The following WRN variants were observed in gnomAD, a reference collection of about 807,000 sequenced individuals.
WRN encodes the protein bifunctional 3'-5' exonuclease/ATP-dependent helicase WRN.
A neutral mutation model predicts 180.7 loss-of-function variants in WRN; 149 were observed. The ratio of observed to expected loss-of-function variants is 0.82; its 90% CI spans 0.72 to 0.94. The LOEUF (loss-of-function observed/expected upper bound fraction) is 0.94, where lower values mean the gene tolerates loss of function less well. WRN is among the 40% of genes least tolerant of loss of function. The probability of loss-of-function intolerance (pLI) is 0.00; values close to 1 mark genes in which losing one functional copy is unlikely to be tolerated. For missense variants in WRN, 1,661 were observed against 1,700.1 expected (o/e 0.98, Z 0.40); for synonymous variants, 548 against 568.9 (o/e 0.96, Z 0.52).
At chr8:31,051,359 G>A (rs1438771775) in intron 1 of WRN, among the ~76,000 whole-genome samples, 3 of 152,188 alleles carry the variant, frequency 2.0e-5, no homozygotes, top group Non-Finnish European at 2.9e-5. Flanking sequence ...TCTATCAAGA[G>A]TGAAGTAGAG....
chr8:31,085,142 A>T, intron 10 of WRN, 24 bp from the exon 11 acceptor site: 1 of 1,610,450 alleles, frequency 6.2e-7, no homozygotes, highest in Non-Finnish European at 8.5e-7. Context: ...ATTGGAAATT[A>T]ATGCTTAATA....
chr8:31,163,693 A>C (rs1295482077), intron 33 of WRN, among the ~76,000 whole-genome samples: 1 of 152,152 alleles, frequency 6.6e-6, no homozygotes, highest in East Asian at 1.9e-4. Flanking sequence ...ATCAAGCAGA[A>C]TATAATAATG....
intron 1 of WRN, among the ~76,000 whole-genome samples, chr8:31,043,859 C>T (rs185615529): frequency 6.2e-4 from 94 of 152,162 alleles, no homozygotes; most frequent in African/African-American, 2.1e-3. Context: ...TTTTGCTGTT[C>T]GTTCATAAAA....
intron 31 of WRN, among the ~76,000 whole-genome samples, chr8:31,153,814 A>G (rs571981350): frequency 3.4e-4 from 52 of 152,200 alleles, no homozygotes; most frequent in Non-Finnish European, 6.5e-4. Flanking sequence ...TTTCCAAAAG[A>G]AGAGCTCATG....
chr8:31,103,009 A>G (rs1800940063), intron 18 of WRN, among the ~76,000 whole-genome samples: 1 of 152,100 alleles, frequency 6.6e-6, no homozygotes, highest in African/African-American at 2.4e-5. Context: ...AAATTTTATT[A>G]TTTTTATTTT....
At chr8:31,067,823 C>T (rs1585412640) in intron 6 of WRN, among the ~76,000 whole-genome samples, 1 of 152,130 alleles carries the variant, frequency 6.6e-6, no homozygotes, top group South Asian at 2.1e-4. Flanking sequence ...TCCTTTGCAT[C>T]TATCAAAGGA....
intron 21 of WRN, among the ~76,000 whole-genome samples, chr8:31,123,615 G>A (rs1022595895): frequency 2.0e-5 from 3 of 152,112 alleles, no homozygotes; most frequent in Non-Finnish European, 4.4e-5. Context: ...CAGTCAGAAG[G>A]TTGAATAGTC....
intron 17 of WRN, among the ~76,000 whole-genome samples, chr8:31,098,897 T>G (rs1453294099): frequency 6.6e-6 from 1 of 152,138 alleles, no homozygotes; most frequent in Admixed American, 6.5e-5. Flanking sequence ...ATGAAAGTTT[T>G]AAAAGAGACC....
chr8:31,105,942 C>T (rs918157148), intron 18 of WRN, among the ~76,000 whole-genome samples: 1 of 152,158 alleles, frequency 6.6e-6, no homozygotes, highest in Non-Finnish European at 1.5e-5. Flanking sequence ...TGTGTATACA[C>T]AGGCACACAT....
chr8:31,082,368 C>T (rs1435885946), intron 9 of WRN, among the ~76,000 whole-genome samples: 3 of 152,108 alleles, frequency 2.0e-5, no homozygotes, highest in Non-Finnish European at 4.4e-5. Flanking sequence ...GAGCAATTCT[C>T]TGTATTTTGG....
intron 28 of WRN, among the ~76,000 whole-genome samples, chr8:31,146,796 C>T (rs1802871952): frequency 6.6e-6 from 1 of 152,170 alleles, no homozygotes; most frequent in South Asian, 2.1e-4. Flanking sequence ...GAGAATGGGA[C>T]AAATGCTCTT....
chr8:31,105,265 A>G (rs1404349352), intron 18 of WRN, among the ~76,000 whole-genome samples: 3 of 152,142 alleles, frequency 2.0e-5, no homozygotes, highest in Non-Finnish European at 2.9e-5. Flanking sequence ...TTTTCTTGAA[A>G]TAATTCTTTA....
chr8:31,121,562 A>G (rs1801726711), intron 21 of WRN, among the ~76,000 whole-genome samples: 1 of 152,036 alleles, frequency 6.6e-6, no homozygotes, highest in Admixed American at 6.6e-5. Context: ...TTTGTAAAAA[A>G]GGAATCATGC....
intron 33 of WRN, among the ~76,000 whole-genome samples, chr8:31,165,305 C>T (rs1272839133): frequency 1.3e-5 from 2 of 151,738 alleles, no homozygotes; most frequent in Non-Finnish European, 2.9e-5. Context: ...TTTCTAAATA[C>T]CCATGGAAGA....
At chr8:31,058,987 G>A (rs1812381332) in intron 2 of WRN, among the ~76,000 whole-genome samples, 166 bp from the exon 3 acceptor site, 1 of 151,998 alleles carries the variant, frequency 6.6e-6, no homozygotes, top group South Asian at 2.1e-4. Flanking sequence ...ACAATGGGAT[G>A]GTTTTTTCTT....
intron 1 of WRN, among the ~76,000 whole-genome samples, chr8:31,055,932 A>G (rs559193617): frequency 3.9e-5 from 6 of 152,344 alleles, no homozygotes; most frequent in Non-Finnish European, 8.8e-5. Flanking sequence ...CCACAACATT[A>G]ATGTTCTGTG....
chr8:31,108,283 G>A (rs748318483), intron 18 of WRN, among the ~76,000 whole-genome samples: 6 of 152,160 alleles, frequency 3.9e-5, no homozygotes, highest in Non-Finnish European at 8.8e-5. Context: ...TGCTGTGACT[G>A]CAGGCATAAA....
At chr8:31,061,767 C>G (rs1009033549) in intron 3 of WRN, among the ~76,000 whole-genome samples, 3 of 152,164 alleles carry the variant, frequency 2.0e-5, no homozygotes, top group African/African-American at 7.2e-5. Flanking sequence ...CTCTGGTGAT[C>G]AACGATCTCT....
chr8:31,085,369 T>G, intron 11 of WRN, 123 bp downstream of exon 11: 5 of 1,059,688 alleles, frequency 4.7e-6, no homozygotes, highest in Non-Finnish European at 7.0e-6. Flanking sequence ...TTATGTAACA[T>G]TAGATTTCAC....
Sources: gnomAD v4.1 joint callset for allele counts (sites outside exome capture counted in the v4.1 genomes callset) on GRCh38, gnomAD v4.1.1 for gene constraint, MANE v1.5 for transcripts, NCBI Gene and HGNC (gene_info 2026-07-23, HGNC 2026-07-21) for gene names.